The following PPP2R2A variants were observed in gnomAD, a reference collection of about 807,000 sequenced individuals.
PPP2R2A encodes the protein serine/threonine-protein phosphatase 2A 55 kDa regulatory subunit B alpha isoform.
Under a neutral mutation model 53.2 loss-of-function variants are expected in PPP2R2A, and 9 were observed. That is an observed-to-expected ratio of 0.17 (90% CI 0.10 to 0.30). The LOEUF (loss-of-function observed/expected upper bound fraction) is 0.30, where lower values mean the gene tolerates loss of function less well. PPP2R2A is among the 10% of genes least tolerant of loss of function. The probability of loss-of-function intolerance (pLI) is 1.00; values close to 1 mark genes in which losing one functional copy is unlikely to be tolerated. For missense variants in PPP2R2A, 235 were observed against 534.6 expected (o/e 0.44, Z 5.53); for synonymous variants, 169 against 174.2 (o/e 0.97, Z 0.23).
In PPP2R2A at chr8:26,321,796, T is replaced by C. The variant is rs891676689; in HGVS notation, c.83-17094T>C. Among the ~76,000 whole-genome samples, 2 of 152,188 alleles carry C rather than the reference T, an allele frequency of 1.3e-5. No homozygotes were observed. The highest frequency in any genetic ancestry group is 2.4e-5 in the African/African-American group (1 of 41,446). ...TCACACCTAGATTCCTGACCTGTTATGAGATAATAAGTGTTTGTTGTTTTA... is the reference window on the plus strand; with the variant it reads ...TCACACCTAGATTCCTGACCTGTTACGAGATAATAAGTGTTTGTTGTTTTA... On this transcript the variant is annotated intron_variant, in intron 2 of 9. Coordinates refer to ENST00000380737, the MANE Select transcript of PPP2R2A (RefSeq NM_002717.4). This position sits in a 1 kb window ranked among gnomAD's most constrained non-coding sequence, Gnocchi z 4.1.
intron 2 of PPP2R2A, among the ~76,000 whole-genome samples, chr8:26,299,103 T>C (rs1437644786): frequency 6.6e-6 from 1 of 152,122 alleles, no homozygotes; most frequent in African/African-American, 2.4e-5. Context: ...GTGAGACCTT[T>C]TCTCTACAAA....
intron 2 of PPP2R2A, among the ~76,000 whole-genome samples, chr8:26,297,634 A>T (rs1003632706): frequency 1.3e-5 from 2 of 152,194 alleles, no homozygotes; most frequent in African/African-American, 4.8e-5. Context: ...TTCTGTGGTC[A>T]TCTCTTTGTG....
chr8:26,365,505 C>A (rs1805326261), intron 8 of PPP2R2A: 1 of 152,136 alleles, frequency 6.6e-6, no homozygotes, highest in Admixed American at 6.5e-5. Context: ...GGTACCTTCT[C>A]ATTTCTGTCA....
intron 2 of PPP2R2A, among the ~76,000 whole-genome samples, chr8:26,330,701 T>G (rs1803325141): frequency 6.6e-6 from 1 of 152,166 alleles, no homozygotes. Context: ...ATTCTTTCAT[T>G]TTTGTCACTT....
chr8:26,364,373 G>A (rs188112459), intron 8 of PPP2R2A, among the ~76,000 whole-genome samples: 1 of 152,328 alleles, frequency 6.6e-6, no homozygotes, highest in East Asian at 1.9e-4. Flanking sequence ...GGGCTTGAAA[G>A]CCTTAGCAGA....
rs1804673975 is a variant in PPP2R2A at position 26,354,461 on chromosome 8, A to T, written c.181-7A>T. On this transcript the variant is annotated splice_region_variant and splice_polypyrimidine_tract_variant and intron_variant, in intron 3 of 9. Transcript: ENST00000380737. The surrounding 1 kb of genome is among the most constrained non-coding windows in gnomAD (Gnocchi z 4.6). ...CAATGGTCCATATATTTTTGTTTTC[A>T]TTTTAGAACAAAATCCAGTCTCATA... 6.6e-7 allele frequency: 1 copy of T among 1,507,344 alleles called. No homozygotes were observed. The allele number at this position is 1,507,344 out of a possible 1,614,324, so 93.4% of individuals were successfully genotyped here.
rs1331724095 is a variant in PPP2R2A, at chr8:26,371,851, A to G, written c.*1438A>G. ...AAGAGTGCTCCTATTTTTAATAGGTAGAATGTACCTTTGTCAGTCTTGCAG... is the reference window on the plus strand; with the variant it reads ...AAGAGTGCTCCTATTTTTAATAGGTGGAATGTACCTTTGTCAGTCTTGCAG... On this transcript the variant is annotated 3_prime_UTR_variant, in exon 10 of 10. Transcript: ENST00000380737. The G allele has an allele frequency of 6.6e-6, 1 of 152,224 alleles. No individual in the cohort carries two copies. The highest frequency in any genetic ancestry group is 1.5e-5 in the Non-Finnish European group (1 of 68,028). The allele number at this position is 152,224 out of a possible 1,614,324, so 9.4% of individuals were successfully genotyped here.
chr8:26,353,548 C>CT (rs1166832316), intron 3 of PPP2R2A, among the ~76,000 whole-genome samples: 2 of 152,092 alleles, frequency 1.3e-5, no homozygotes, highest in African/African-American at 4.8e-5. Context: ...TTTACTTAAA[C>CT]TTTTTCCATA....
At chr8:26,327,668 G>C (rs1803163029) in intron 2 of PPP2R2A, among the ~76,000 whole-genome samples, 1 of 151,958 alleles carries the variant, frequency 6.6e-6, no homozygotes, top group East Asian at 1.9e-4. Flanking sequence ...GATTAGCTAA[G>C]CTACCTTTCA....
Position 26,349,846 on chromosome 8 carries a change from C to T in PPP2R2A, c.181-4622C>T, listed in dbSNP as rs558753119. Among the ~76,000 whole-genome samples the T allele has an allele frequency of 1.3e-4, 20 of 152,278 alleles. No homozygotes were observed. In the South Asian group the frequency reaches 4.1e-3, roughly 32 times the overall value. On this transcript the variant is annotated intron_variant, in intron 3 of 9. Coordinates refer to ENST00000380737, the MANE Select transcript of PPP2R2A (RefSeq NM_002717.4). ...TAATGTTGCTGTGAACATTCTTACT[C>T]ATGTTTTTTGCTGTACAATCATGAG...
chr8:26,368,440 C>T (rs1190777908), intron 9 of PPP2R2A, among the ~76,000 whole-genome samples: 1 of 152,132 alleles, frequency 6.6e-6, no homozygotes, highest in African/African-American at 2.4e-5. Flanking sequence ...TGTGAGGATA[C>T]TTAATAAATG....
chr8:26,363,210 T>TAAAA (rs57711660), intron 7 of PPP2R2A: 3 of 126,638 alleles, frequency 2.4e-5, no homozygotes, highest in Admixed American at 8.2e-5. Flanking sequence ...TTCCTTGGCT[T>TAAAA]AAAAAAAAAA....
chr8:26,361,251 T>C (rs1443474505), intron 6 of PPP2R2A, 100 bp downstream of exon 6: 15 of 1,216,138 alleles, frequency 1.2e-5, no homozygotes, highest in Admixed American at 8.1e-5. Flanking sequence ...CTTTTTATAG[T>C]CTGTGTACAT....
chr8:26,335,507 T>C (rs1418326505), intron 2 of PPP2R2A, among the ~76,000 whole-genome samples: 1 of 152,218 alleles, frequency 6.6e-6, no homozygotes, highest in Non-Finnish European at 1.5e-5. Flanking sequence ...AAGGAGACCA[T>C]GAATCTGTCC....
At chr8:26,352,560 C>T (rs1804573321) in intron 3 of PPP2R2A, among the ~76,000 whole-genome samples, 2 of 152,196 alleles carry the variant, frequency 1.3e-5, no homozygotes, top group African/African-American at 4.8e-5. Context: ...TGTGCTCAGC[C>T]TGGCATCTTG....
Position 26,291,518 on chromosome 8 carries a change from G to A in PPP2R2A, c.-302G>A. The stretch of plus-strand genomic sequence containing the variant: ...GTGACGTCACTGGCCAGGCCAGCCG[G>A]CGCCATTTTGAAAGTGGAGTCGCCT... On this transcript the variant is annotated 5_prime_UTR_variant, in exon 1 of 10. Transcript: ENST00000380737. 1 of 416,412 alleles carries A rather than the reference G, an allele frequency of 2.4e-6. No individual in the cohort carries two copies. The highest frequency in any genetic ancestry group is 2.5e-5 in the South Asian group (1 of 39,720). The allele number at this position is 416,412 out of a possible 1,614,324, so 25.8% of individuals were successfully genotyped here.
intron 3 of PPP2R2A, among the ~76,000 whole-genome samples, chr8:26,352,752 A>G (rs1222530984): frequency 6.6e-6 from 1 of 152,178 alleles, no homozygotes; most frequent in Non-Finnish European, 1.5e-5. Flanking sequence ...GAAGATGTTC[A>G]TGTTTTGTTT....
chr8:26,356,111 A>G (rs1346992379), intron 4 of PPP2R2A, among the ~76,000 whole-genome samples: 2 of 152,090 alleles, frequency 1.3e-5, no homozygotes, highest in Non-Finnish European at 2.9e-5. Flanking sequence ...GGGTGAGGGG[A>G]ACCTCTTATT....
At chr8:26,356,082 T>A (rs57320826) in intron 4 of PPP2R2A, among the ~76,000 whole-genome samples, 4,735 of 152,248 alleles carry the variant, frequency 0.031, 235 homozygotes, top group African/African-American at 0.11. Flanking sequence ...TGATTAAAAC[T>A]TTTTTGAGGT....
Sources: gnomAD v4.1 joint callset for allele counts (sites outside exome capture counted in the v4.1 genomes callset) on GRCh38, gnomAD v4.1.1 for gene constraint, Gnocchi (gnomAD v3.1) non-coding constraint, MANE v1.5 for transcripts, NCBI Gene and HGNC (gene_info 2026-07-23, HGNC 2026-07-21) for gene names.